Variants in NTN4 observed in about 807,000 individuals in gnomAD.
NTN4 encodes netrin 4, also known as netrin-4.
A neutral mutation model predicts 73.6 loss-of-function variants in NTN4; 32 were observed. The observed-to-expected ratio is 0.44, with a 90% confidence interval of 0.33 to 0.58. The LOEUF (loss-of-function observed/expected upper bound fraction) is 0.58. Among genes scored for constraint, NTN4 ranks in the 20% least tolerant of loss-of-function variants. The pLI is 0.04. For missense variants in NTN4, 654 were observed against 798.3 expected (o/e 0.82, Z 2.18); for synonymous variants, 258 against 287.5 (o/e 0.90, Z 1.04).
rs542476760 is a variant in NTN4, at chr12:95,692,529, T to A, written c.1181-8818A>T. Reference sequence around the variant, plus strand: ...ATAGTTATATGTTTGCAGCAATACATCTGAAAGTGAAGCAGGGCCCCTGCA... The same window carrying A: ...ATAGTTATATGTTTGCAGCAATACAACTGAAAGTGAAGCAGGGCCCCTGCA... On this transcript the variant is annotated intron_variant, in intron 5 of 9. Coordinates refer to ENST00000343702, the MANE Select transcript of NTN4 (RefSeq NM_021229.4). Among the ~76,000 whole-genome samples, 4 of 152,332 alleles carry A rather than the reference T, an allele frequency of 2.6e-5. No individual in the cohort carries two copies. The East Asian group carries it at 7.7e-4, about 29-fold the overall frequency.
intron 5 of NTN4, among the ~76,000 whole-genome samples, chr12:95,688,497 T>C (rs1435717634): frequency 1.3e-5 from 2 of 152,036 alleles, no homozygotes; most frequent in Non-Finnish European, 2.9e-5. Context: ...AGAATGAGTT[T>C]AGGATCAAAC....
chr12:95,683,754 A>G (rs1222486654), intron 5 of NTN4, 43 bp from the exon 6 acceptor site: 1 of 1,492,542 alleles, frequency 6.7e-7, no homozygotes, highest in South Asian at 1.2e-5. Context: ...CTGACTGTAG[A>G]TCACCCGTGT....
chr12:95,691,212 AT>A (rs761812968), intron 5 of NTN4, among the ~76,000 whole-genome samples: 1 of 152,100 alleles, frequency 6.6e-6, no homozygotes, highest in African/African-American at 2.4e-5. Flanking sequence ...ATGCAAACAT[AT>A]TTTCTTCTTG....
intron 2 of NTN4, among the ~76,000 whole-genome samples, chr12:95,761,399 C>T (rs145070628): frequency 9.6e-5 from 14 of 146,098 alleles, no homozygotes; most frequent in African/African-American, 3.3e-4. Context: ...GGTGCGATCT[C>T]GGCTCATTGC....
intron 2 of NTN4, among the ~76,000 whole-genome samples, chr12:95,752,476 C>G (rs1415672125): frequency 2.0e-5 from 3 of 151,638 alleles, no homozygotes; most frequent in Non-Finnish European, 4.4e-5. Context: ...TTCACTTGGA[C>G]TGACCCTGAC....
intron 5 of NTN4, among the ~76,000 whole-genome samples, chr12:95,702,104 A>G (rs1477731966): frequency 1.3e-5 from 2 of 151,760 alleles, no homozygotes; most frequent in East Asian, 3.9e-4. Context: ...ACATAGGGAA[A>G]CCCCGTCTCT....
intron 7 of NTN4, among the ~76,000 whole-genome samples, chr12:95,679,825 C>T: frequency 6.6e-6 from 1 of 152,132 alleles, no homozygotes; most frequent in East Asian, 1.9e-4. Context: ...GTGGCCTCTG[C>T]AGCCTCGTTA....
In NTN4 at chr12:95,658,514, T is replaced by C. The variant is rs2078109363; in HGVS notation, c.*572A>G. ...TCAGTAGGCTTTCTCACACACCCTT[T>C]TCCTTCTTTCAACAGCAGTCACCAA... is the stretch of plus-strand genomic sequence containing the variant. On this transcript the variant is annotated 3_prime_UTR_variant, in exon 10 of 10. Transcript: ENST00000343702. 6.6e-6 allele frequency: 1 copy of C among 152,636 alleles called. No homozygotes were observed. Among genetic ancestry groups the C allele is most frequent in the Non-Finnish European group, 1.5e-5 (1 of 68,048 alleles). 9.5% of individuals were successfully genotyped at this position (152,636 alleles called of 1,614,324 possible).
At chr12:95,744,227 T>G (rs1199546822) in intron 2 of NTN4, among the ~76,000 whole-genome samples, 1 of 152,174 alleles carries the variant, frequency 6.6e-6, no homozygotes, top group Non-Finnish European at 1.5e-5. Context: ...TATATCCTCT[T>G]GATGAAGTGA....
intron 2 of NTN4, among the ~76,000 whole-genome samples, chr12:95,774,923 C>T (rs1216336616): frequency 6.6e-6 from 1 of 152,156 alleles, no homozygotes; most frequent in East Asian, 1.9e-4. Flanking sequence ...CTTGACTTGG[C>T]ACAAAGGCAT....
chr12:95,777,811 T>C (rs1306593192), intron 2 of NTN4, among the ~76,000 whole-genome samples: 2 of 152,158 alleles, frequency 1.3e-5, no homozygotes, highest in Non-Finnish European at 2.9e-5. Flanking sequence ...CTGCACCAAC[T>C]GGACCTAATA....
rs538685213 is a variant in NTN4 at position 95,768,608 on chromosome 12, G to A, written c.585+18331C>T. ...GGCCTAGCAAGCCACATTCAAGAAT[G>A]TGGACTTCATGATAATGCACCTGGG... On this transcript the variant is annotated intron_variant, in intron 2 of 9. Coordinates refer to ENST00000343702, the MANE Select transcript of NTN4 (RefSeq NM_021229.4). Among the ~76,000 whole-genome samples, 44 of 152,268 alleles carry A rather than the reference G, an allele frequency of 2.9e-4. 1 individual carries two copies. The highest frequency in any genetic ancestry group is 6.8e-3 in the Middle Eastern group (2 of 294).
At chr12:95,761,416 C>T (rs940064260) in intron 2 of NTN4, among the ~76,000 whole-genome samples, 8 of 150,760 alleles carry the variant, frequency 5.3e-5, no homozygotes, top group Admixed American at 2.0e-4. Flanking sequence ...TTGCAACCTC[C>T]ACCTCCTGGG....
intron 5 of NTN4, among the ~76,000 whole-genome samples, chr12:95,700,159 T>C (rs1047505372): frequency 5.0e-5 from 7 of 141,146 alleles, no homozygotes; most frequent in Non-Finnish European, 7.6e-5. Context: ...AGTGCAGTGG[T>C]GTGATCATGG....
chr12:95,727,220 C>T (rs2078701755), intron 3 of NTN4, among the ~76,000 whole-genome samples: 1 of 152,142 alleles, frequency 6.6e-6, no homozygotes, highest in Non-Finnish European at 1.5e-5. Context: ...TGCATACCTT[C>T]TTTGGGTGGC....
At chr12:95,672,732 A>G in intron 7 of NTN4, 1 of 1,397,468 alleles carries the variant, frequency 7.2e-7, no homozygotes, top group Non-Finnish European at 1.0e-6. Context: ...GTAGGTATGC[A>G]GACCTCACAG....
intron 2 of NTN4, 137 bp from the exon 3 acceptor site, chr12:95,738,281 G>A: frequency 1.3e-6 from 1 of 788,710 alleles, no homozygotes; most frequent in South Asian, 1.7e-5. Flanking sequence ...TTTAGACCTT[G>A]AGCACACCTG....
Position 95,790,105 on chromosome 12 carries a change from G to A in NTN4, c.55+150C>T. The stretch of plus-strand genomic sequence containing the variant: ...ATAGTATTTGAAACTGCGGAGCCCC[G>A]GGGAAAGGAGGCGGAACATGGCCAC... On this transcript the variant is annotated intron_variant, in intron 1 of 9. Transcript: ENST00000343702. The surrounding 1 kb of genome is among the most constrained non-coding windows in gnomAD (Gnocchi z 6.5). 1 of 577,764 alleles carries A rather than the reference G, an allele frequency of 1.7e-6. No individual in the cohort carries two copies. The highest frequency in any genetic ancestry group is 2.8e-5 in the South Asian group (1 of 35,262). 35.8% of individuals were successfully genotyped at this position (577,764 alleles called of 1,614,324 possible).
intron 4 of NTN4, among the ~76,000 whole-genome samples, chr12:95,711,519 G>C (rs2078565136): frequency 6.6e-6 from 1 of 152,192 alleles, no homozygotes; most frequent in African/African-American, 2.4e-5. Flanking sequence ...GCTTACTAAT[G>C]AGCCTGGAAG....
Sources: gnomAD v4.1 joint callset for allele counts (sites outside exome capture counted in the v4.1 genomes callset) on GRCh38, gnomAD v4.1.1 for gene constraint, Gnocchi (gnomAD v3.1) non-coding constraint, MANE v1.5 for transcripts, NCBI Gene and HGNC (gene_info 2026-07-23, HGNC 2026-07-21) for gene names.